Variants in ZNF708 observed in about 807,000 individuals in gnomAD.
The protein encoded by ZNF708 is zinc finger protein 708, also known as ZNF15, ZNF15L1.
ZNF708 carries 44 observed loss-of-function variants against 47.0 expected under a neutral mutation model. That is an observed-to-expected ratio of 0.94 (90% CI 0.74 to 1.20). The LOEUF (loss-of-function observed/expected upper bound fraction) is 1.20. Among genes scored for constraint, ZNF708 ranks in the 50% most tolerant of loss-of-function variants. ZNF708 has a pLI of 0.00. For missense variants in ZNF708, 557 were observed against 656.0 expected (o/e 0.85, Z 1.65); for synonymous variants, 184 against 218.5 (o/e 0.84, Z 1.39).
rs1472933518 is a variant in ZNF708, at chr19:21,296,761, C to CATTATTAAT, written c.227-2031_227-2023dup. 3.3e-5 allele frequency among the ~76,000 whole-genome samples: 5 copies of CATTATTAAT among 151,766 alleles called. No homozygotes were observed. The South Asian group carries it at 1.0e-3, about 32-fold the overall frequency. ...AGCATTTTAATAATCATGCAGAAAA[C>CATTATTAAT]ATTATTAATTTTTCTCTAAAATTTA... On this transcript the variant is annotated intron_variant, in intron 3 of 3. Coordinates refer to ENST00000356929, the MANE Select transcript of ZNF708 (RefSeq NM_021269.3).
In ZNF708 at chr19:21,294,577, C is replaced by T. The variant is rs504280; in HGVS notation, c.389G>A (p.Arg130Gln). ...LHKGGHKGLNRCVTTTQSKIV... is the reference protein window; with the variant it reads ...LHKGGHKGLNQCVTTTQSKIV... Reference sequence around the variant, plus strand: ...TTTGCTCTGGGTAGTTGTCACACACCGGTTAAGTCCCTTGTGACCTCCTTT... The same window carrying T: ...TTTGCTCTGGGTAGTTGTCACACACTGGTTAAGTCCCTTGTGACCTCCTTT... The change falls in exon 4 of 4, where the codon CGG becomes CAG. Residue 130 changes from arginine (R) to glutamine (Q), a missense_variant. Arg to Gln is a conservative substitution (Grantham distance 43). Coordinates refer to ENST00000356929, the MANE Select transcript of ZNF708 (RefSeq NM_021269.3). The T allele has an allele frequency of 0.24, 385,838 of 1,613,860 alleles. 47,381 individuals carry two copies. Among genetic ancestry groups the T allele is most frequent in the Non-Finnish European group, 0.25 (296,461 of 1,179,936 alleles).
intron 3 of ZNF708, among the ~76,000 whole-genome samples, chr19:21,307,735 A>C (rs1243823169): frequency 6.6e-6 from 1 of 152,208 alleles, no homozygotes; most frequent in Non-Finnish European, 1.5e-5. Context: ...TATTGTGCCC[A>C]CTTGTCAATG....
intron 3 of ZNF708, among the ~76,000 whole-genome samples, chr19:21,298,595 A>G (rs1330934140): frequency 1.3e-5 from 2 of 152,156 alleles, no homozygotes; most frequent in Non-Finnish European, 2.9e-5. Context: ...CAATCTTCAA[A>G]AAAAGGAACA....
In ZNF708 at chr19:21,293,328, G is replaced by A. The variant is rs1289514546; in HGVS notation, c.1638C>T (p.Asn546=). Residue 546 remains asparagine (N), a synonymous_variant, in exon 4 of 4, where the codon AAC becomes AAT. Transcript: ENST00000356929. ...TATGAATTCTCTTATGTTTAGTAAG[G>A]TTTGGGGACTGGTTAAAGGCTTTGC... The part of the protein sequence containing the change: ...ECGKAFNQSP[N]LTKHKRIHTK... 6.2e-7 allele frequency: 1 copy of A among 1,612,560 alleles called. No homozygotes were observed. Among genetic ancestry groups the A allele is most frequent in the African/African-American group, 1.3e-5 (1 of 74,856 alleles).
chr19:21,301,362 C>T (rs1972656137), intron 3 of ZNF708, among the ~76,000 whole-genome samples: 1 of 152,026 alleles, frequency 6.6e-6, no homozygotes, highest in Non-Finnish European at 1.5e-5. Context: ...TGCCTGTAAT[C>T]CCAGCACTTA....
At chr19:21,309,119 T>TA in intron 3 of ZNF708, 127 bp downstream of exon 3, 3 of 957,188 alleles carry the variant, frequency 3.1e-6, no homozygotes, top group Non-Finnish European at 4.5e-6. Flanking sequence ...ATATTAAAGT[T>TA]AAAAAAACAA....
chr19:21,326,054 C>G (rs1206218839), intron 1 of ZNF708, among the ~76,000 whole-genome samples: 1 of 152,142 alleles, frequency 6.6e-6, no homozygotes, highest in Non-Finnish European at 1.5e-5. Context: ...ATCAAAAAAT[C>G]AAGAAACAGT....
chr19:21,320,768 T>TAAA (rs55662605), intron 1 of ZNF708, among the ~76,000 whole-genome samples: 2 of 111,918 alleles, frequency 1.8e-5, no homozygotes, highest in African/African-American at 3.5e-5. Context: ...CTCTGGCCAT[T>TAAA]AAAAAAAAAA....
intron 3 of ZNF708, among the ~76,000 whole-genome samples, chr19:21,297,273 T>TA (rs1568345591): frequency 6.0e-5 from 1 of 16,776 alleles, no homozygotes; most frequent in Non-Finnish European, 1.3e-4. Flanking sequence ...TATATATATT[T>TA]TTTTTTTTTT....
intron 3 of ZNF708, among the ~76,000 whole-genome samples, chr19:21,300,440 A>G (rs768660711): frequency 1.4e-4 from 21 of 148,350 alleles, no homozygotes; most frequent in Non-Finnish European, 2.7e-4. Context: ...TGGGAGGCGG[A>G]GGTTGCGGTG....
At chr19:21,315,447 G>C (rs1972982229) in intron 1 of ZNF708, among the ~76,000 whole-genome samples, 1 of 152,186 alleles carries the variant, frequency 6.6e-6, no homozygotes, top group Non-Finnish European at 1.5e-5. Flanking sequence ...AGAAAGCAAA[G>C]TACAATCAAA....
chr19:21,316,769 A>G (rs1195989403), intron 1 of ZNF708, among the ~76,000 whole-genome samples: 2 of 149,864 alleles, frequency 1.3e-5, no homozygotes, highest in East Asian at 2.0e-4. Context: ...CCTGGCCAAT[A>G]TGGTGAAATC....
At chr19:21,322,424 C>A (rs1362869233) in intron 1 of ZNF708, among the ~76,000 whole-genome samples, 2 of 151,978 alleles carry the variant, frequency 1.3e-5, no homozygotes. Flanking sequence ...TCCTCAGCCT[C>A]CTGAATAGCT....
At chr19:21,323,231 T>A (rs1025590879) in intron 1 of ZNF708, among the ~76,000 whole-genome samples, 6 of 152,212 alleles carry the variant, frequency 3.9e-5, no homozygotes, top group Non-Finnish European at 8.8e-5. Flanking sequence ...TGCTCTCTTT[T>A]CTTATCTATC....
intron 3 of ZNF708, among the ~76,000 whole-genome samples, chr19:21,301,638 C>CA (rs201794948): frequency 0.016 from 2,310 of 148,012 alleles, 66 homozygotes; most frequent in African/African-American, 0.05. Context: ...AACAAACAAA[C>CA]AAAAAAAAAT....
At chr19:21,324,580 A>G (rs934523897) in intron 1 of ZNF708, among the ~76,000 whole-genome samples, 3 of 152,180 alleles carry the variant, frequency 2.0e-5, no homozygotes, top group Non-Finnish European at 4.4e-5. Context: ...AAAATAAAAA[A>G]AAAATCCAGC....
chr19:21,295,672 G>A (rs1252463312), intron 3 of ZNF708, among the ~76,000 whole-genome samples: 1 of 151,978 alleles, frequency 6.6e-6, no homozygotes, highest in Non-Finnish European at 1.5e-5. Context: ...TTGAACTCGG[G>A]AGGCAGAGGT....
At chr19:21,302,592 G>C (rs982392757) in intron 3 of ZNF708, among the ~76,000 whole-genome samples, 3 of 151,944 alleles carry the variant, frequency 2.0e-5, no homozygotes, top group African/African-American at 7.3e-5. Flanking sequence ...CCAGGTACTT[G>C]GGAGGCTGAG....
intron 1 of ZNF708, among the ~76,000 whole-genome samples, chr19:21,322,077 G>A (rs896795603): frequency 1.6e-4 from 24 of 151,882 alleles, no homozygotes; most frequent in African/African-American, 5.3e-4. Flanking sequence ...CTGGGGGTGC[G>A]GATATGCCAG....
Sources: allele counts gnomAD v4.1 joint callset (sites outside exome capture counted in the v4.1 genomes callset), GRCh38; gene constraint gnomAD v4.1.1; transcripts MANE v1.5; gene names NCBI Gene and HGNC (gene_info 2026-07-23, HGNC 2026-07-21).